The following NOL8 variants were observed in gnomAD, a reference collection of about 807,000 sequenced individuals.
NOL8 encodes nucleolar protein Nop132.
NOL8 carries 93 observed loss-of-function variants against 116.1 expected under a neutral mutation model. The observed-to-expected ratio is 0.80, with a 90% CI of 0.68 to 0.95. The LOEUF is 0.95. Among genes scored for constraint, NOL8 ranks in the 40% least tolerant of loss-of-function variants. NOL8 has a pLI of 0.00. For synonymous variants in NOL8, 419 were observed against 469.0 expected, an observed-to-expected ratio of 0.89 and a Z score of 1.38; for missense variants, 1,291 against 1,382.8, an observed-to-expected ratio of 0.93 and a Z score of 1.05.
intron 12 of NOL8, among the ~76,000 whole-genome samples, chr9:92,304,428 G>A (rs1179653644): frequency 6.6e-6 from 1 of 152,176 alleles, no homozygotes; most frequent in African/African-American, 2.4e-5. Context: ...TCAAGGTACT[G>A]TACTCAAGGA....
chr9:92,315,269 G>C lies in NOL8; in HGVS notation c.1356C>G (p.His452Gln). ...AATCAGCATCTTCACTGCTACTGGA[G>C]TGAGAGGGAGATTTACGATTAAGAG... ...LKSLNRKSPS[H>Q]SSSSEDADSA... The change falls in exon 7 of 17, where the codon CAC becomes CAG. Residue 452 changes from histidine (H) to glutamine (Q), a missense_variant. Coordinates refer to ENST00000442668, the MANE Select transcript of NOL8 (RefSeq NM_017948.6). 1 of 1,613,986 alleles carries C rather than the reference G, an allele frequency of 6.2e-7. No individual in the cohort carries two copies. Among genetic ancestry groups the C allele is most frequent in the Non-Finnish European group, 8.5e-7 (1 of 1,179,858 alleles).
rs545054561 is a variant in NOL8 at position 92,297,739 on chromosome 9, C to G, written c.*97G>C. ...CAGCCAGATTTTTAAAATTCCTTCACTCTGAAATTTCTTCTTTGTCAGCTA... is the reference window on the plus strand; with the variant it reads ...CAGCCAGATTTTTAAAATTCCTTCAGTCTGAAATTTCTTCTTTGTCAGCTA... On this transcript the variant is annotated 3_prime_UTR_variant, in exon 17 of 17. Transcript: ENST00000442668. 616 of 906,958 alleles carry G rather than the reference C, an allele frequency of 6.8e-4. 1 individual carries two copies. The highest frequency in any genetic ancestry group is 1.1e-3 in the South Asian group (61 of 56,744). The allele number at this position is 906,958 out of a possible 1,614,324, so 56.2% of individuals were successfully genotyped here.
intron 5 of NOL8, 86 bp downstream of exon 5, chr9:92,319,134 GT>G: frequency 7.2e-7 from 1 of 1,397,086 alleles, no homozygotes; most frequent in South Asian, 1.6e-5. Flanking sequence ...AGAGTAACTG[GT>G]TTTAGACATG....
intron 12 of NOL8, 102 bp from the exon 13 acceptor site, chr9:92,301,924 C>T: frequency 3.4e-6 from 3 of 880,690 alleles, no homozygotes; most frequent in East Asian, 2.9e-5. Context: ...TAATTCTATC[C>T]TATCAACAAC....
At chr9:92,300,744 T>C in intron 13 of NOL8, 1 of 1,191,102 alleles carries the variant, frequency 8.4e-7, no homozygotes, top group Non-Finnish European at 1.1e-6. Context: ...TACCACGGAG[T>C]TGGTATTATC....
intron 14 of NOL8, 68 bp from the exon 15 acceptor site, chr9:92,299,022 G>T (rs892516683): frequency 3.4e-5 from 25 of 745,012 alleles, no homozygotes; most frequent in Middle Eastern, 6.9e-4. Context: ...TATTTAAGAA[G>T]AAATATTTAC....
chr9:92,320,193 C>T (rs1839807051), intron 4 of NOL8: 1 of 455,994 alleles, frequency 2.2e-6, no homozygotes, highest in Non-Finnish European at 4.4e-6. Context: ...TTCTTCAGGC[C>T]TGGACAACTG....
rs574863697 is a variant in NOL8, at chr9:92,321,600, A to C, written c.281+68T>G. On this transcript the variant is annotated intron_variant, in intron 4 of 16. Coordinates refer to ENST00000442668, the MANE Select transcript of NOL8 (RefSeq NM_017948.6). ...TAATACTATATTACTTGATAATTTGAAATAATATATAAAACCACTTACAAT... is the reference window on the plus strand; with the variant it reads ...TAATACTATATTACTTGATAATTTGCAATAATATATAAAACCACTTACAAT... The C allele has an allele frequency of 4.1e-5, 35 of 852,734 alleles. No homozygotes were observed. The Admixed American group carries it at 6.1e-4, about 15-fold the overall frequency. 52.8% of individuals were successfully genotyped at this position (852,734 alleles called of 1,614,324 possible).
intron 12 of NOL8, among the ~76,000 whole-genome samples, chr9:92,305,300 C>T (rs1838129511): frequency 6.6e-6 from 1 of 152,140 alleles, no homozygotes; most frequent in African/African-American, 2.4e-5. Flanking sequence ...CAAGGAACAC[C>T]AAAGGATTGG....
Position 92,298,283 on chromosome 9 carries a change from C to A in NOL8, c.3427G>T (p.Glu1143Ter). Residue 1143 changes from glutamate (E) to a stop codon, truncating the protein, a stop_gained, in exon 16 of 17, where the codon GAG becomes TAG. Transcript: ENST00000442668. LOFTEE classifies it high-confidence loss of function. ...ATACGCAGGTTGGTTGTTCTGGCCT[C>A]CCAAGAGTTCCTGCTCATATTACTT... ...VGSNMSRNSW[E>*]ARTTNLRMDC... The A allele has an allele frequency of 6.2e-7, 1 of 1,609,020 alleles. No homozygotes were observed. The highest frequency in any genetic ancestry group is 2.2e-5 in the East Asian group (1 of 44,818).
Position 92,316,064 on chromosome 9 carries a change from A to T in NOL8, c.561T>A (p.Pro187=), listed in dbSNP as rs777881808. 1 of 1,614,004 alleles carries T rather than the reference A, an allele frequency of 6.2e-7. No individual in the cohort carries two copies. The highest frequency in any genetic ancestry group is 1.7e-5 in the Admixed American group (1 of 60,026). ...CTAATTCCCAAGTCAGGCTGGATAT[A>T]GGAATGGTGTTTGAGAAATCCTCCC... ...KIGEDFSNTI[P]ISSLTWELEG... is the part of the protein sequence containing the mutation. Residue 187 remains proline, a synonymous_variant, in exon 7 of 17, where the codon CCT becomes CCA. Coordinates refer to ENST00000442668, the MANE Select transcript of NOL8 (RefSeq NM_017948.6).
rs2134133491 is a variant in NOL8, at chr9:92,315,060, CCT to C, written c.1563_1564del (p.Gly522LeufsTer59). 2 of 1,614,026 alleles carry C rather than the reference CCT, an allele frequency of 1.2e-6. No individual in the cohort carries two copies. Among genetic ancestry groups the C allele is most frequent in the Non-Finnish European group, 1.7e-6 (2 of 1,179,910 alleles). ...AGTGGGAGTCTTGGGGCTCTTGGAG[CCT>C]CTGTCAAACTTGCATTGGGTGGTGG... is the stretch of plus-strand genomic sequence containing the variant. On this transcript the variant is annotated frameshift_variant, in exon 7 of 17. Coordinates refer to ENST00000442668, the MANE Select transcript of NOL8 (RefSeq NM_017948.6). LOFTEE classifies it high-confidence loss of function.
Position 92,314,534 on chromosome 9 carries a change from G to C in NOL8, c.2091C>G (p.Ser697Arg), listed in dbSNP as rs1215249773. Residue 697 changes from serine to arginine, a missense_variant, in exon 7 of 17, where the codon AGC (serine) becomes AGG (arginine). By Grantham distance (110) the Ser-to-Arg change is moderately radical (BLOSUM62 -1). Transcript: ENST00000442668. ...CTTCTGTCTTTGTGGTACTATGGCA[G>C]CTGTCTTTGTCAAAGCCTATGTTGT... ...KTHNIGFDKD[S>R]CHSTTKTEAS... 33 of 1,613,626 alleles carry C rather than the reference G, an allele frequency of 2.0e-5. No homozygotes were observed. Among genetic ancestry groups the C allele is most frequent in the Non-Finnish European group, 2.8e-5 (33 of 1,179,740 alleles).
chr9:92,315,489 C>T lies in NOL8; in HGVS notation c.1136G>A (p.Gly379Glu). The T allele has an allele frequency of 6.2e-7, 1 of 1,608,114 alleles. No homozygotes were observed. Among genetic ancestry groups the T allele is most frequent in the Non-Finnish European group, 8.5e-7 (1 of 1,177,020 alleles). Residue 379 changes from glycine (G) to glutamate (E), a missense_variant, in exon 7 of 17, where the codon GGA becomes GAA. Transcript: ENST00000442668. ...CATCGCAATAATTTCATCTGTATCT[C>T]CTGAGTCATACTCACGATCATTTCT... ...IMRNDREYDS[G>E]DTDEIIAMKK...
intron 4 of NOL8, chr9:92,320,221 T>C (rs753085181): frequency 2.2e-6 from 1 of 455,694 alleles, no homozygotes; most frequent in Non-Finnish European, 4.4e-6. Context: ...CAGTCCTCAC[T>C]GGCCTCTTTG....
chr9:92,301,621 G>A lies in NOL8; in HGVS notation c.3105C>T (p.Thr1035=), dbSNP rs1286062875. The A allele has an allele frequency of 6.2e-7, 1 of 1,608,386 alleles. No homozygotes were observed. The highest frequency in any genetic ancestry group is 1.1e-5 in the South Asian group (1 of 89,760). ...PEEIQDPAAL[T]SDAEQPSGFT... is the part of the protein sequence containing the mutation. ...ACCCGCTGGGCTGCTCAGCGTCACTGGTCAGAGCTGCAGGGTCCTGGATTT... is the reference window on the plus strand; with the variant it reads ...ACCCGCTGGGCTGCTCAGCGTCACTAGTCAGAGCTGCAGGGTCCTGGATTT... Residue 1035 remains threonine (T), a synonymous_variant, in exon 13 of 17, where the codon ACC becomes ACT. Transcript: ENST00000442668.
Position 92,323,426 on chromosome 9 carries a change from A to G in NOL8, c.202+15T>C. The G allele has an allele frequency of 1.9e-6, 3 of 1,593,118 alleles. No homozygotes were observed. On this transcript the variant is annotated intron_variant, in intron 3 of 16. Transcript: ENST00000442668. The stretch of plus-strand genomic sequence containing the variant: ...CAAACTGGCAAACAGTATAGAAAAT[A>G]TATGATGATCTTACATTTTTTCAGG...
At chr9:92,298,544 T>C (rs1368234565) in intron 15 of NOL8, 1 of 498,270 alleles carries the variant, frequency 2.0e-6, no homozygotes, top group African/African-American at 2.0e-5. Flanking sequence ...TTTACTATTA[T>C]GTAACTTTGT....
chr9:92,300,699 G>A lies in NOL8; in HGVS notation c.3176-683C>T, dbSNP rs765704409. On this transcript the variant is annotated intron_variant, in intron 13 of 16. Coordinates refer to ENST00000442668, the MANE Select transcript of NOL8 (RefSeq NM_017948.6). Reference sequence around the variant, plus strand: ...TGAAGTCTTATTTGCAATACTTTTTGAACAACTACTAGATTGTTATACTTC... The same window carrying A: ...TGAAGTCTTATTTGCAATACTTTTTAAACAACTACTAGATTGTTATACTTC... The A allele has an allele frequency of 1.9e-5, 21 of 1,093,020 alleles. 1 individual carries two copies. The East Asian group carries it at 1.6e-3, about 82-fold the overall frequency. 67.7% of individuals were successfully genotyped at this position (1,093,020 alleles called of 1,614,324 possible).
Sources: allele counts gnomAD v4.1 joint callset (sites outside exome capture counted in the v4.1 genomes callset), GRCh38; gene constraint gnomAD v4.1.1; transcripts MANE v1.5; gene names NCBI Gene and HGNC (gene_info 2026-07-23, HGNC 2026-07-21).